Variants in SNX29 observed in about 807,000 individuals in gnomAD.
The protein encoded by SNX29 is sorting nexin 29.
SNX29 carries 78 observed loss-of-function variants against 102.1 expected under a neutral mutation model. The observed-to-expected ratio is 0.76, with a 90% CI of 0.64 to 0.92. SNX29 has a LOEUF of 0.92. SNX29 is among the 40% of genes least tolerant of loss of function. SNX29 has a pLI of 0.00. For synonymous variants in SNX29, 580 were observed against 414.5 expected (o/e 1.40, Z -4.85); for missense variants, 1,280 against 1,061.7 (o/e 1.21, Z -2.86).
Position 12,071,035 on chromosome 16 carries a change from ATTTG to A in SNX29, c.1319+1908_1319+1911del, listed in dbSNP as rs1490150345. ...TGATGGGGTTGTTTTTTTCTTGTAAATTTGTTTGAGTTCATTGTAGATTCTGGAT... is the reference window on the plus strand; with the variant it reads ...TGATGGGGTTGTTTTTTTCTTGTAAATTTGAGTTCATTGTAGATTCTGGAT... On this transcript the variant is annotated intron_variant, in intron 10 of 20. Transcript: ENST00000566228. Among the ~76,000 whole-genome samples, 3 of 151,638 alleles carry A rather than the reference ATTTG, an allele frequency of 2.0e-5. No individual in the cohort carries two copies. In the South Asian group the frequency reaches 6.3e-4, roughly 32 times the overall value.
chr16:11,981,542 C>G (rs2055414609), intron 1 of SNX29, among the ~76,000 whole-genome samples: 1 of 152,130 alleles, frequency 6.6e-6, no homozygotes. Flanking sequence ...CTTTGCAGGC[C>G]TCTGCTGATT....
intron 8 of SNX29, among the ~76,000 whole-genome samples, chr16:12,053,843 T>A (rs1451470975): frequency 2.6e-5 from 4 of 152,180 alleles, no homozygotes; most frequent in Non-Finnish European, 5.9e-5. Flanking sequence ...ATGAGGTTCA[T>A]GGGTATCACC....
chr16:12,233,191 G>C (rs1398693018), intron 14 of SNX29, among the ~76,000 whole-genome samples: 1 of 151,886 alleles, frequency 6.6e-6, no homozygotes, highest in Non-Finnish European at 1.5e-5. Context: ...GTCAGTCCAG[G>C]TACCCATCAA....
At chr16:12,417,135 CAG>C (rs1360828414) in intron 18 of SNX29, among the ~76,000 whole-genome samples, 4 of 152,230 alleles carry the variant, frequency 2.6e-5, no homozygotes, top group African/African-American at 4.8e-5. Flanking sequence ...ATGAGACAAT[CAG>C]GGGCGGTTTG....
chr16:12,563,885 G>T (rs2141513049), intron 20 of SNX29, among the ~76,000 whole-genome samples: 1 of 152,284 alleles, frequency 6.6e-6, no homozygotes, highest in South Asian at 2.1e-4. Context: ...AGCCCCTTGG[G>T]CCTCTGCCGT....
intron 19 of SNX29, among the ~76,000 whole-genome samples, chr16:12,504,265 G>A (rs2089269624): frequency 6.6e-6 from 1 of 152,090 alleles, no homozygotes; most frequent in African/African-American, 2.4e-5. Context: ...TCATGTACCA[G>A]GTGATTCACC....
rs66825746 is a variant in SNX29 at position 12,557,015 on chromosome 16, A to ACACCCCCC, written c.2319-11490_2319-11489insACCCCCCC. Among the ~76,000 whole-genome samples, 46 of 31,834 alleles carry ACACCCCCC rather than the reference A, an allele frequency of 1.4e-3. 7 individuals carry two copies. Among genetic ancestry groups the ACACCCCCC allele is most frequent in the Admixed American group, 3.9e-3 (14 of 3,632 alleles). 20.9% of individuals were successfully genotyped at this position (31,834 alleles called of 152,430 possible). ...GGTACACACCACATCTGGCTAATTT[A>ACACCCCCC]CCCCCCCCCCGCCCCAAGATGAGGT... is the stretch of plus-strand genomic sequence containing the variant. On this transcript the variant is annotated intron_variant, in intron 20 of 20. Coordinates refer to ENST00000566228, the MANE Select transcript of SNX29 (RefSeq NM_032167.5).
chr16:12,546,373 A>G (rs1385321080), intron 20 of SNX29: 5 of 151,640 alleles, frequency 3.3e-5, no homozygotes, highest in Admixed American at 2.6e-4. Context: ...AGGCCTCACA[A>G]TCACCGTGGA....
At chr16:12,032,804 A>G (rs1290913470) in intron 4 of SNX29, among the ~76,000 whole-genome samples, 2 of 151,690 alleles carry the variant, frequency 1.3e-5, no homozygotes, top group African/African-American at 2.4e-5. Flanking sequence ...TGCACACGAG[A>G]TCCATTTTCT....
Position 12,477,755 on chromosome 16 carries a change from T to G in SNX29, c.2074T>G (p.Tyr692Asp), listed in dbSNP as rs770840078. 13 of 1,613,282 alleles carry G rather than the reference T, an allele frequency of 8.1e-6. No homozygotes were observed. Among genetic ancestry groups the G allele is most frequent in the Non-Finnish European group, 1.1e-5 (13 of 1,179,692 alleles). Residue 692 changes from tyrosine to aspartate, a missense_variant, in exon 19 of 21, where the codon TAT becomes GAT. Physicochemically the swap from Tyr to Asp is radical, Grantham distance 160. Transcript: ENST00000566228. ...GATAAAAGACGATGAATGGAATATT[T>G]ATCGCCGGTATACAGAGTTCAGGAG... ...IRIKDDEWNI[Y>D]RRYTEFRSLH...
chr16:12,508,056 T>C (rs192765905), intron 19 of SNX29, among the ~76,000 whole-genome samples: 2 of 152,356 alleles, frequency 1.3e-5, no homozygotes, highest in Admixed American at 1.3e-4. Flanking sequence ...GGCAAGCTAA[T>C]TGATCTCTGT....
At chr16:12,397,857 G>T (rs1284919391) in intron 16 of SNX29, among the ~76,000 whole-genome samples, 3 of 152,118 alleles carry the variant, frequency 2.0e-5, no homozygotes, top group African/African-American at 7.2e-5. Context: ...CCACAGTGTG[G>T]GGTCAGGACC....
At chr16:12,417,304 T>G (rs115307598) in intron 18 of SNX29, among the ~76,000 whole-genome samples, 2,727 of 152,326 alleles carry the variant, frequency 0.018, 93 homozygotes, top group African/African-American at 0.061. Context: ...TCTAGAGTGC[T>G]CTGGTTCCAG....
chr16:12,545,953 A>T (rs563380511), intron 20 of SNX29, among the ~76,000 whole-genome samples: 1 of 152,248 alleles, frequency 6.6e-6, no homozygotes, highest in Non-Finnish European at 1.5e-5. Context: ...CCTGACAACT[A>T]AGGGCAGGAT....
At chr16:12,332,064 A>C (rs540463576) in intron 15 of SNX29, among the ~76,000 whole-genome samples, 65 of 152,196 alleles carry the variant, frequency 4.3e-4, no homozygotes, top group African/African-American at 1.4e-3. Context: ...CATCTCAAAA[A>C]AATAATAATA....
intron 11 of SNX29, among the ~76,000 whole-genome samples, chr16:12,116,799 C>T (rs572803683): frequency 5.9e-5 from 9 of 152,112 alleles, no homozygotes; most frequent in South Asian, 2.1e-4. Flanking sequence ...CCTGCTTCAA[C>T]GCGGACGAAC....
At chr16:12,182,419 G>A (rs892245616) in intron 13 of SNX29, among the ~76,000 whole-genome samples, 3 of 152,246 alleles carry the variant, frequency 2.0e-5, no homozygotes, top group African/African-American at 7.2e-5. Context: ...GTGGATTAGA[G>A]CTCATTTTGC....
intron 13 of SNX29, among the ~76,000 whole-genome samples, chr16:12,179,822 G>T (rs970550415): frequency 3.9e-5 from 6 of 152,180 alleles, no homozygotes; most frequent in Admixed American, 1.3e-4. Context: ...CACATTTTCT[G>T]AGAGTCTTAA....
At chr16:12,377,829 A>G (rs541602275) in intron 16 of SNX29, among the ~76,000 whole-genome samples, 1 of 152,292 alleles carries the variant, frequency 6.6e-6, no homozygotes, top group Non-Finnish European at 1.5e-5. Context: ...CTCAGGATCA[A>G]AGAGAAGACT....
Sources: allele counts gnomAD v4.1 joint callset (sites outside exome capture counted in the v4.1 genomes callset), GRCh38; gene constraint gnomAD v4.1.1; transcripts MANE v1.5; gene names NCBI Gene and HGNC (gene_info 2026-07-23, HGNC 2026-07-21).